Variants in ST6GALNAC3 observed in about 807,000 individuals in gnomAD.
ST6GALNAC3 encodes alpha-N-acetylgalactosaminide alpha-2,6-sialyltransferase 3.
Under a neutral mutation model 32.7 loss-of-function variants are expected in ST6GALNAC3, and 25 were observed. The observed-to-expected ratio is 0.76, with a 90% confidence interval of 0.56 to 1.07. The LOEUF is 1.07. Among genes scored for constraint, ST6GALNAC3 ranks in the 50% least tolerant of loss-of-function variants. The pLI, the probability that ST6GALNAC3 is intolerant of heterozygous loss-of-function variation, is 0.00. For synonymous variants in ST6GALNAC3, 129 were observed against 133.1 expected, an observed-to-expected ratio of 0.97 and a Z score of 0.21; for missense variants, 355 against 382.4, an observed-to-expected ratio of 0.93 and a Z score of 0.60.
chr1:76,125,455 T>C (rs1649179112), intron 1 of ST6GALNAC3, among the ~76,000 whole-genome samples: 1 of 152,178 alleles, frequency 6.6e-6, no homozygotes, highest in African/African-American at 2.4e-5. Context: ...TGAGTGATCC[T>C]CACAGTTCTG....
At chr1:76,517,179 A>G (rs950158954) in intron 3 of ST6GALNAC3, among the ~76,000 whole-genome samples, 6 of 151,856 alleles carry the variant, frequency 4.0e-5, no homozygotes, top group African/African-American at 1.4e-4. Flanking sequence ...TTTATATAGA[A>G]TCAATACATT....
intron 1 of ST6GALNAC3, among the ~76,000 whole-genome samples, chr1:76,244,542 G>T (rs1306137750): frequency 6.6e-6 from 1 of 152,134 alleles, no homozygotes; most frequent in Non-Finnish European, 1.5e-5. Context: ...GAAAGAGAAT[G>T]CTTCCAGGTT....
chr1:76,310,530 C>G (rs1422618257), intron 1 of ST6GALNAC3, among the ~76,000 whole-genome samples: 1 of 152,096 alleles, frequency 6.6e-6, no homozygotes, highest in Non-Finnish European at 1.5e-5. Context: ...AGAAGCAAGA[C>G]TGCCTTTGGG....
intron 1 of ST6GALNAC3, among the ~76,000 whole-genome samples, chr1:76,259,172 C>T (rs902875309): frequency 6.6e-6 from 1 of 152,044 alleles, no homozygotes; most frequent in Non-Finnish European, 1.5e-5. Context: ...ATTAAATACA[C>T]AGGTGAAAAC....
At chr1:76,470,532 A>G (rs1438807662) in intron 3 of ST6GALNAC3, among the ~76,000 whole-genome samples, 1 of 152,150 alleles carries the variant, frequency 6.6e-6, no homozygotes, top group Admixed American at 6.6e-5. Flanking sequence ...ATAAATTAGA[A>G]GAACTAGAAA....
intron 1 of ST6GALNAC3, 68 bp from the exon 2 acceptor site, chr1:76,313,737 C>G: frequency 6.6e-7 from 1 of 1,512,760 alleles, no homozygotes; most frequent in South Asian, 1.1e-5. Flanking sequence ...AATAAAGGAA[C>G]CTCCTTCTGT....
At chr1:76,113,338 G>C (rs143971470) in intron 1 of ST6GALNAC3, among the ~76,000 whole-genome samples, 26 of 144,310 alleles carry the variant, frequency 1.8e-4, no homozygotes, top group African/African-American at 6.5e-4. Flanking sequence ...GGGGAGACGG[G>C]AGAGGGAGGG....
At chr1:76,119,708 A>G (rs1431898706) in intron 1 of ST6GALNAC3, among the ~76,000 whole-genome samples, 2 of 152,270 alleles carry the variant, frequency 1.3e-5, no homozygotes, top group African/African-American at 4.8e-5. Context: ...TAGTAACTAT[A>G]ACAATTAAGT....
At chr1:76,560,471 G>A (rs1000380977) in intron 3 of ST6GALNAC3, among the ~76,000 whole-genome samples, 1 of 152,058 alleles carries the variant, frequency 6.6e-6, no homozygotes, top group Admixed American at 6.6e-5. Context: ...ATAAGGAGCT[G>A]AAACAACTCC....
chr1:76,532,516 A>G (rs1437511195), intron 3 of ST6GALNAC3, among the ~76,000 whole-genome samples: 2 of 152,170 alleles, frequency 1.3e-5, no homozygotes, highest in Non-Finnish European at 2.9e-5. Flanking sequence ...ACGAACGACA[A>G]CAACCCAAAC....
chr1:76,170,236 C>T (rs1039479026), intron 1 of ST6GALNAC3, among the ~76,000 whole-genome samples: 3 of 152,186 alleles, frequency 2.0e-5, no homozygotes, highest in African/African-American at 7.2e-5. Flanking sequence ...GGTGTGGCAG[C>T]TGTGGCAGAG....
intron 1 of ST6GALNAC3, among the ~76,000 whole-genome samples, chr1:76,239,764 G>A (rs1394071770): frequency 1.3e-5 from 2 of 152,156 alleles, no homozygotes; most frequent in Non-Finnish European, 2.9e-5. Flanking sequence ...AACTATATCA[G>A]AGGAGCACTG....
chr1:76,157,057 G>A (rs1001961467), intron 1 of ST6GALNAC3, among the ~76,000 whole-genome samples: 2 of 147,262 alleles, frequency 1.4e-5, no homozygotes, highest in Non-Finnish European at 3.1e-5. Flanking sequence ...ATTGGAGGGT[G>A]GTATTAGAAT....
At chr1:76,154,087 G>A (rs1473053867) in intron 1 of ST6GALNAC3, among the ~76,000 whole-genome samples, 1 of 152,116 alleles carries the variant, frequency 6.6e-6, no homozygotes, top group South Asian at 2.1e-4. Context: ...ACCCAACCTG[G>A]CCCAGTCGGC....
chr1:76,636,591 TAAAG>T (rs1201352056), downstream of ST6GALNAC3, among the ~76,000 whole-genome samples: 1 of 152,160 alleles, frequency 6.6e-6, no homozygotes, highest in East Asian at 1.9e-4. Flanking sequence ...CATATTTCTA[TAAAG>T]AGAGGACCTT....
At chr1:76,318,385 A>G (rs1422799077) in intron 2 of ST6GALNAC3, among the ~76,000 whole-genome samples, 1 of 152,070 alleles carries the variant, frequency 6.6e-6, no homozygotes, top group Non-Finnish European at 1.5e-5. Context: ...GGGGAGGGGA[A>G]GTCTTGAGAA....
chr1:76,217,010 G>A (rs1055588316), intron 1 of ST6GALNAC3, among the ~76,000 whole-genome samples: 1 of 152,134 alleles, frequency 6.6e-6, no homozygotes, highest in African/African-American at 2.4e-5. Flanking sequence ...TCTTCAAATT[G>A]TACTAAAATA....
intron 3 of ST6GALNAC3, among the ~76,000 whole-genome samples, chr1:76,535,589 C>T (rs1246794834): frequency 6.6e-6 from 1 of 152,102 alleles, no homozygotes; most frequent in Non-Finnish European, 1.5e-5. Context: ...TAAAAAATGA[C>T]TATTTCTACT....
At chr1:76,223,359 G>A (rs1040130556) in intron 1 of ST6GALNAC3, among the ~76,000 whole-genome samples, 2 of 152,012 alleles carry the variant, frequency 1.3e-5, no homozygotes, top group South Asian at 2.1e-4. Flanking sequence ...ACACATAAAC[G>A]CGAACACAAA....
Sources: gnomAD v4.1 joint callset for allele counts (sites outside exome capture counted in the v4.1 genomes callset) on GRCh38, gnomAD v4.1.1 for gene constraint, MANE v1.5 for transcripts, NCBI Gene and HGNC (gene_info 2026-07-23, HGNC 2026-07-21) for gene names.